Variants in NOX4 observed in about 807,000 individuals in gnomAD.
NOX4 encodes the protein NADPH oxidase 4, also known as kidney oxidase-1.
In NOX4, 69 loss-of-function variants were observed where a neutral mutation model predicts 87.6. That is an observed-to-expected ratio of 0.79 (90% CI 0.65 to 0.96). The LOEUF is 0.96. Among genes scored for constraint, NOX4 ranks in the 40% least tolerant of loss-of-function variants. NOX4 has a pLI of 0.00. For synonymous variants in NOX4, 275 were observed against 238.2 expected (o/e 1.15, Z -1.42); for missense variants, 680 against 681.5 (o/e 1.00, Z 0.02).
chr11:89,473,337 T>C (rs970097833), intron 2 of NOX4, among the ~76,000 whole-genome samples: 3 of 152,148 alleles, frequency 2.0e-5, no homozygotes, highest in African/African-American at 7.2e-5. Flanking sequence ...ACCTCTCATC[T>C]ACTCCTCATC....
intron 11 of NOX4, among the ~76,000 whole-genome samples, chr11:89,385,747 C>A (rs1368311804): frequency 6.6e-6 from 1 of 152,246 alleles, no homozygotes; most frequent in Non-Finnish European, 1.5e-5. Context: ...CCAGGACTGG[C>A]AAATTGACTT....
chr11:89,516,222 C>T, the NOX4 span, among the ~76,000 whole-genome samples: 1 of 152,054 alleles, frequency 6.6e-6, no homozygotes, highest in Non-Finnish European at 1.5e-5. Context: ...ATTGCATCTA[C>T]ATACATTATA....
At chr11:89,357,920 G>A (rs1457978077) in intron 12 of NOX4, among the ~76,000 whole-genome samples, 6 of 151,884 alleles carry the variant, frequency 4.0e-5, no homozygotes, top group African/African-American at 1.5e-4. Context: ...GCACACGTGT[G>A]TGTGCATACA....
chr11:89,351,494 G>A (rs1003569405), intron 13 of NOX4, among the ~76,000 whole-genome samples: 5 of 152,136 alleles, frequency 3.3e-5, no homozygotes, highest in South Asian at 2.1e-4. Flanking sequence ...AGTGGTAGAC[G>A]CCATCTACGG....
intron 11 of NOX4, among the ~76,000 whole-genome samples, chr11:89,380,362 T>C (rs1051401956): frequency 6.6e-6 from 1 of 151,942 alleles, no homozygotes; most frequent in Non-Finnish European, 1.5e-5. Context: ...CATTGAAGAG[T>C]GAGAACTGAA....
intron 4 of NOX4, among the ~76,000 whole-genome samples, chr11:89,448,128 C>G (rs1194134556): frequency 6.6e-6 from 1 of 152,146 alleles, no homozygotes; most frequent in African/African-American, 2.4e-5. Flanking sequence ...ATTACAATTA[C>G]TAATTCTATC....
At chr11:89,457,457 C>T (rs566255376) in intron 2 of NOX4, among the ~76,000 whole-genome samples, 28 of 152,312 alleles carry the variant, frequency 1.8e-4, no homozygotes, top group African/African-American at 6.3e-4. Flanking sequence ...CCTGCCAGCA[C>T]CAGCTTTGTA....
chr11:89,517,359 T>C, the NOX4 span, among the ~76,000 whole-genome samples: 1 of 152,120 alleles, frequency 6.6e-6, no homozygotes, highest in African/African-American at 2.4e-5. Flanking sequence ...CATCAATATA[T>C]TGATATCTGG....
At chr11:89,555,469 G>A in the NOX4 span, among the ~76,000 whole-genome samples, 1 of 151,950 alleles carries the variant, frequency 6.6e-6, no homozygotes, top group Non-Finnish European at 1.5e-5. Context: ...GGACAACAGA[G>A]TAAGAATTTG....
chr11:89,388,139 T>C (rs547524143), intron 11 of NOX4, among the ~76,000 whole-genome samples: 124 of 152,340 alleles, frequency 8.1e-4, no homozygotes, highest in African/African-American at 2.9e-3. Context: ...GTACCTCAAA[T>C]TTAATTTCTA....
At chr11:89,432,008 T>A (rs886645584) in intron 7 of NOX4, among the ~76,000 whole-genome samples, 5 of 151,984 alleles carry the variant, frequency 3.3e-5, no homozygotes, top group Non-Finnish European at 7.4e-5. Context: ...ACACCATGGA[T>A]TACTATGCAG....
intron 8 of NOX4, among the ~76,000 whole-genome samples, chr11:89,410,778 CT>C (rs927212902): frequency 6.6e-6 from 1 of 152,160 alleles, no homozygotes; most frequent in African/African-American, 2.4e-5. Context: ...TGTAAATAAA[CT>C]TGAAAGGCAG....
chr11:89,517,383 G>A, the NOX4 span, among the ~76,000 whole-genome samples: 46 of 152,122 alleles, frequency 3.0e-4, no homozygotes, highest in Admixed American at 7.9e-4. Context: ...AACATTACTT[G>A]ACCAAGCAAT....
intron 7 of NOX4, among the ~76,000 whole-genome samples, chr11:89,424,769 T>A (rs1027272023): frequency 6.6e-6 from 1 of 152,086 alleles, no homozygotes; most frequent in East Asian, 1.9e-4. Context: ...TGAACTCTCC[T>A]TGAATTAGGA....
At chr11:89,553,418 C>A in the NOX4 span, among the ~76,000 whole-genome samples, 5 of 152,112 alleles carry the variant, frequency 3.3e-5, no homozygotes, top group African/African-American at 1.2e-4. Flanking sequence ...TTTCCTGAGG[C>A]CTTCCCAGCC....
chr11:89,395,688 T>G (rs1220942342), intron 11 of NOX4, among the ~76,000 whole-genome samples: 1 of 152,168 alleles, frequency 6.6e-6, no homozygotes, highest in African/African-American at 2.4e-5. Context: ...GTATAAGGTG[T>G]AAGGAAGGGA....
intron 17 of NOX4, among the ~76,000 whole-genome samples, chr11:89,333,143 A>G (rs1223090265): frequency 1.3e-5 from 2 of 151,858 alleles, no homozygotes; most frequent in Non-Finnish European, 2.9e-5. Context: ...TTATCTAAAT[A>G]TAAAGAATTA....
chr11:89,515,979 G>T, the NOX4 span, among the ~76,000 whole-genome samples: 3 of 151,788 alleles, frequency 2.0e-5, no homozygotes, highest in African/African-American at 7.3e-5. Flanking sequence ...TAAATTTGTT[G>T]TTACACCTAA....
At chr11:89,530,467 C>A in the NOX4 span, among the ~76,000 whole-genome samples, 1 of 151,188 alleles carries the variant, frequency 6.6e-6, no homozygotes, top group Non-Finnish European at 1.5e-5. Flanking sequence ...CTCAGCCTCC[C>A]GAGTAGCTGG....
Sources: gnomAD v4.1 joint callset for allele counts (sites outside exome capture counted in the v4.1 genomes callset) on GRCh38, gnomAD v4.1.1 for gene constraint, MANE v1.5 for transcripts, NCBI Gene and HGNC (gene_info 2026-07-23, HGNC 2026-07-21) for gene names.